The following DOCK3 variants were observed in gnomAD, a reference collection of about 807,000 sequenced individuals.
The protein encoded by DOCK3 is dedicator of cytokinesis protein 3.
A neutral mutation model predicts 265.6 loss-of-function variants in DOCK3; 60 were observed. The ratio of observed to expected loss-of-function variants is 0.23; its 90% CI spans 0.18 to 0.28. The LOEUF is 0.28. DOCK3 is among the 10% of genes least tolerant of loss of function. The pLI is 1.00. For synonymous variants in DOCK3, 881 were observed against 938.0 expected, an observed-to-expected ratio of 0.94 and a Z score of 1.11; for missense variants, 1,981 against 2,594.3, an observed-to-expected ratio of 0.76 and a Z score of 5.14.
At chr3:51,007,833 A>G (rs561312339) in intron 5 of DOCK3, among the ~76,000 whole-genome samples, 49 of 152,310 alleles carry the variant, frequency 3.2e-4, no homozygotes, top group Middle Eastern at 3.4e-3. Context: ...TCAGCTTTCT[A>G]CATATGGCTA....
At chr3:51,106,530 C>T (rs552382957) in intron 9 of DOCK3, among the ~76,000 whole-genome samples, 1 of 152,230 alleles carries the variant, frequency 6.6e-6, no homozygotes, top group Non-Finnish European at 1.5e-5. Context: ...GCCCTTGCTT[C>T]CCCCTGCCAC....
At chr3:50,708,670 T>TAGG (rs900954113) in intron 1 of DOCK3, among the ~76,000 whole-genome samples, 15 of 152,340 alleles carry the variant, frequency 9.8e-5, no homozygotes, top group African/African-American at 3.4e-4. Flanking sequence ...CACAAGGGCC[T>TAGG]AGGGGCTTTC....
chr3:50,978,216 T>C (rs7634257), intron 5 of DOCK3, among the ~76,000 whole-genome samples: 138,693 of 147,202 alleles, frequency 0.94, 66,002 homozygotes, highest in East Asian at 1. Context: ...GGAGGAGAGG[T>C]GCTCTGCTTT....
chr3:50,821,745 T>C (rs1354714476), intron 2 of DOCK3, among the ~76,000 whole-genome samples: 1 of 152,226 alleles, frequency 6.6e-6, no homozygotes, highest in Non-Finnish European at 1.5e-5. Context: ...ATTTATTGAA[T>C]AGGGAGTCCT....
At chr3:51,049,063 A>G (rs759511988) in intron 5 of DOCK3, among the ~76,000 whole-genome samples, 1 of 152,128 alleles carries the variant, frequency 6.6e-6, no homozygotes, top group Admixed American at 6.5e-5. Context: ...GCTGTGGCTC[A>G]CGCCTGTAAT....
intron 38 of DOCK3, 34 bp downstream of exon 38, chr3:51,341,419 A>G: frequency 6.2e-7 from 1 of 1,610,168 alleles, no homozygotes; most frequent in Middle Eastern, 1.7e-4. Flanking sequence ...TTAGCCCTTC[A>G]GCTTCTGCTG....
At chr3:50,737,866 T>C (rs2038745567) in intron 1 of DOCK3, among the ~76,000 whole-genome samples, 2 of 152,244 alleles carry the variant, frequency 1.3e-5, no homozygotes, top group Admixed American at 6.5e-5. Flanking sequence ...TATAAGACAG[T>C]TATTTTGAAT....
At chr3:51,145,110 T>C (rs1576229109) in intron 9 of DOCK3, among the ~76,000 whole-genome samples, 1 of 152,224 alleles carries the variant, frequency 6.6e-6, no homozygotes, top group East Asian at 1.9e-4. Flanking sequence ...GAATAAAGTA[T>C]TTAATGGCTC....
At chr3:51,086,108 C>A (rs913456195) in intron 7 of DOCK3, among the ~76,000 whole-genome samples, 3 of 152,156 alleles carry the variant, frequency 2.0e-5, no homozygotes, top group Non-Finnish European at 2.9e-5. Context: ...AACAGCAAGC[C>A]AGTGATAAGC....
At chr3:51,247,516 T>G (rs931256368) in intron 22 of DOCK3, among the ~76,000 whole-genome samples, 1 of 152,238 alleles carries the variant, frequency 6.6e-6, no homozygotes, top group African/African-American at 2.4e-5. Context: ...TGTCCTCTTT[T>G]AATATCACAT....
intron 5 of DOCK3, among the ~76,000 whole-genome samples, chr3:51,053,426 ATTTT>A (rs563130234): frequency 7.6e-6 from 1 of 132,450 alleles, no homozygotes; most frequent in African/African-American, 2.8e-5. Flanking sequence ...TTGTATCACT[ATTTT>A]TTTTTTTTTT....
chr3:51,243,184 G>GGAT (rs2108533903), intron 21 of DOCK3, among the ~76,000 whole-genome samples: 1 of 152,306 alleles, frequency 6.6e-6, no homozygotes, highest in Non-Finnish European at 1.5e-5. Flanking sequence ...AAGCCTAGGG[G>GGAT]GATGGCCATC....
At chr3:50,708,257 G>C (rs2107885697) in intron 1 of DOCK3, among the ~76,000 whole-genome samples, 1 of 152,316 alleles carries the variant, frequency 6.6e-6, no homozygotes, top group East Asian at 1.9e-4. Flanking sequence ...TGAGGTTGCT[G>C]TCAGTGGCAG....
chr3:50,732,075 G>T (rs1254045055), intron 1 of DOCK3, among the ~76,000 whole-genome samples: 1 of 151,666 alleles, frequency 6.6e-6, no homozygotes, highest in Admixed American at 6.6e-5. Flanking sequence ...TCAAGTCCCT[G>T]CTTGGGTGCT....
At position 51,207,176 on chromosome 3, in the gene DOCK3, G is replaced by GC. The variant is rs140554745; in HGVS notation, c.1038-1597dup. On this transcript the variant is annotated intron_variant, in intron 12 of 52. Coordinates refer to ENST00000266037, the MANE Select transcript of DOCK3 (RefSeq NM_004947.5). ...AAGGTCACAAATACGTAAGGGGTATGCAAGGGGAGAGGAATGGCAGGAACA... is the reference window on the plus strand; with the variant it reads ...AAGGTCACAAATACGTAAGGGGTATGCCAAGGGGAGAGGAATGGCAGGAACA... Among the ~76,000 whole-genome samples the GC allele has an allele frequency of 8.5e-4, 130 of 152,260 alleles. 3 individuals are homozygous for GC. In the East Asian group the frequency reaches 0.024, roughly 28 times the overall value.
chr3:51,107,734 G>A (rs536145530), intron 9 of DOCK3, among the ~76,000 whole-genome samples: 11 of 152,262 alleles, frequency 7.2e-5, no homozygotes, highest in African/African-American at 2.4e-4. Flanking sequence ...GAAAGAGATC[G>A]GGAAAATGGA....
chr3:51,241,347 T>G (rs1010087094), intron 21 of DOCK3, among the ~76,000 whole-genome samples: 4 of 152,186 alleles, frequency 2.6e-5, no homozygotes, highest in African/African-American at 9.7e-5. Context: ...CTAAATGCCT[T>G]TAACATTTTT....
intron 2 of DOCK3, among the ~76,000 whole-genome samples, chr3:50,812,371 A>T (rs774223808): frequency 6.6e-6 from 1 of 152,208 alleles, no homozygotes; most frequent in African/African-American, 2.4e-5. Context: ...CTGGCAAAAG[A>T]AAGATGTTTA....
Position 50,900,014 on chromosome 3 carries a change from T to C in DOCK3, c.218+9933T>C, listed in dbSNP as rs191404543. Among the ~76,000 whole-genome samples, 503 of 152,300 alleles carry C rather than the reference T, an allele frequency of 3.3e-3. 1 individual carries two copies. The highest frequency in any genetic ancestry group is 0.012 in the African/African-American group (482 of 41,576). The stretch of plus-strand genomic sequence containing the variant: ...CTCTGTATTTCCTGAATTTGAATGT[T>C]GGCCTGTCTTGCTAGGTTGGGGAAA... On this transcript the variant is annotated intron_variant, in intron 4 of 52. Transcript: ENST00000266037.
Sources: gnomAD v4.1 joint callset for allele counts (sites outside exome capture counted in the v4.1 genomes callset) on GRCh38, gnomAD v4.1.1 for gene constraint, MANE v1.5 for transcripts, NCBI Gene and HGNC (gene_info 2026-07-23, HGNC 2026-07-21) for gene names.